Variants in TFEC observed in about 807,000 individuals in gnomAD.
The protein encoded by TFEC is class E basic helix-loop-helix protein 34.
A neutral mutation model predicts 41.6 loss-of-function variants in TFEC; 31 were observed. The ratio of observed to expected loss-of-function variants is 0.74; its 90% CI spans 0.56 to 1.01. TFEC has a LOEUF of 1.01. Ranked by LOEUF, TFEC falls within the 50% of genes least tolerant of loss-of-function variation. The probability of loss-of-function intolerance (pLI) is 0.00; values close to 1 mark genes in which losing one functional copy is unlikely to be tolerated. For synonymous variants in TFEC, 143 were observed against 140.6 expected, an observed-to-expected ratio of 1.02 and a Z score of -0.12; for missense variants, 402 against 404.1, an observed-to-expected ratio of 0.99 and a Z score of 0.04.
At chr7:116,125,439 T>C (rs1798189239) in intron 1 of TFEC, among the ~76,000 whole-genome samples, 1 of 152,164 alleles carries the variant, frequency 6.6e-6, no homozygotes, top group Non-Finnish European at 1.5e-5. Flanking sequence ...TTAAGAAATT[T>C]GGCTTTAATC....
chr7:116,067,390 T>A (rs745646845), intron 3 of TFEC, among the ~76,000 whole-genome samples: 2 of 152,040 alleles, frequency 1.3e-5, no homozygotes, highest in Non-Finnish European at 2.9e-5. Flanking sequence ...CAGTGAGATG[T>A]TGACCATTCT....
intron 3 of TFEC, among the ~76,000 whole-genome samples, chr7:116,088,401 G>A (rs778099088): frequency 1.6e-4 from 24 of 152,008 alleles, no homozygotes; most frequent in Admixed American, 3.3e-4. Context: ...GGTAGTAGTC[G>A]GCTAAATATT....
At chr7:116,100,191 C>A (rs1323972470) in intron 3 of TFEC, among the ~76,000 whole-genome samples, 1 of 152,090 alleles carries the variant, frequency 6.6e-6, no homozygotes, top group Non-Finnish European at 1.5e-5. Flanking sequence ...ATACAAAGAA[C>A]CAAGCCTTAA....
intron 5 of TFEC, 95 bp from the exon 6 acceptor site, chr7:115,951,044 G>A (rs1447677051): frequency 1.1e-5 from 7 of 616,200 alleles, no homozygotes; most frequent in South Asian, 4.8e-5. Flanking sequence ...AAAAACAATG[G>A]GAAAAAAACT....
intron 1 of TFEC, among the ~76,000 whole-genome samples, chr7:116,154,953 CAT>C (rs1470227541): frequency 6.6e-6 from 1 of 152,182 alleles, no homozygotes; most frequent in Admixed American, 6.5e-5. Context: ...CCTCTTCTGC[CAT>C]ACTATCCCTT....
chr7:116,087,974 G>C (rs529617067), intron 3 of TFEC, among the ~76,000 whole-genome samples: 1 of 152,134 alleles, frequency 6.6e-6, no homozygotes, highest in Non-Finnish European at 1.5e-5. Context: ...CAATCTTTCA[G>C]AAAATACTTG....
intron 1 of TFEC, among the ~76,000 whole-genome samples, chr7:115,985,315 T>C (rs1340772530): frequency 6.6e-6 from 1 of 152,176 alleles, no homozygotes; most frequent in Non-Finnish European, 1.5e-5. Context: ...TGTACTATCA[T>C]TTGTGTAAGG....
chr7:115,952,236 A>G (rs1791986259), intron 5 of TFEC, among the ~76,000 whole-genome samples: 1 of 152,102 alleles, frequency 6.6e-6, no homozygotes, highest in East Asian at 1.9e-4. Flanking sequence ...TTCCCTCTTC[A>G]CCAATCCTAT....
chr7:116,059,106 C>G (rs1305740474), intron 3 of TFEC, among the ~76,000 whole-genome samples: 1 of 151,696 alleles, frequency 6.6e-6, no homozygotes, highest in African/African-American at 2.4e-5. Flanking sequence ...AAATCAATAA[C>G]ATCGACACTC....
chr7:116,017,856 T>C (rs979130135), intron 1 of TFEC, among the ~76,000 whole-genome samples: 1 of 152,190 alleles, frequency 6.6e-6, no homozygotes, highest in South Asian at 2.1e-4. Context: ...TGAACTCTCA[T>C]AGTATTGGCA....
intron 3 of TFEC, among the ~76,000 whole-genome samples, chr7:116,059,088 C>T (rs1401105665): frequency 6.6e-6 from 1 of 151,684 alleles, no homozygotes; most frequent in African/African-American, 2.4e-5. Context: ...AAAGCTTATT[C>T]TTTAAGAAAA....
intron 3 of TFEC, among the ~76,000 whole-genome samples, chr7:115,964,014 T>C (rs557540921): frequency 6.6e-6 from 1 of 151,758 alleles, no homozygotes; most frequent in South Asian, 2.1e-4. Flanking sequence ...CTCTTCAACA[T>C]AGCGTTGTAA....
intron 1 of TFEC, among the ~76,000 whole-genome samples, chr7:116,025,000 A>G (rs1476655257): frequency 6.6e-6 from 1 of 152,098 alleles, no homozygotes; most frequent in African/African-American, 2.4e-5. Context: ...TATCTCACTA[A>G]GTGTGGTCCA....
chr7:116,093,513 A>G (rs1030649858), intron 3 of TFEC, among the ~76,000 whole-genome samples: 2 of 152,202 alleles, frequency 1.3e-5, no homozygotes, highest in Non-Finnish European at 2.9e-5. Flanking sequence ...ATATATGACT[A>G]ACCTGTTAAA....
chr7:115,937,147 G>A lies in TFEC; in HGVS notation c.*3404C>T, dbSNP rs1315613933. On this transcript the variant is annotated 3_prime_UTR_variant, in exon 8 of 8. Transcript: ENST00000265440. The stretch of plus-strand genomic sequence containing the variant: ...AATAATATAAAAAATGATTGGATGG[G>A]ATATTTTGTTGAAAAAAGAATGAAA... The A allele has an allele frequency of 2.6e-5, 4 of 151,474 alleles. No individual in the cohort carries two copies. Among genetic ancestry groups the A allele is most frequent in the African/African-American group, 9.7e-5 (4 of 41,398 alleles). 9.4% of individuals were successfully genotyped at this position (151,474 alleles called of 1,614,324 possible).
At chr7:116,076,917 C>T (rs929654001) in intron 3 of TFEC, among the ~76,000 whole-genome samples, 1 of 152,064 alleles carries the variant, frequency 6.6e-6, no homozygotes, top group Non-Finnish European at 1.5e-5. Flanking sequence ...ATACAAGAAG[C>T]TCAAGGAACA....
chr7:116,052,647 T>C (rs917821731), intron 3 of TFEC, among the ~76,000 whole-genome samples: 10 of 151,778 alleles, frequency 6.6e-5, no homozygotes, highest in Admixed American at 2.0e-4. Flanking sequence ...CAGGATGGTC[T>C]CAATCTCTTG....
At chr7:116,086,849 A>T (rs564975585) in intron 3 of TFEC, among the ~76,000 whole-genome samples, 83 of 151,896 alleles carry the variant, frequency 5.5e-4, no homozygotes, top group African/African-American at 2.0e-3. Context: ...TGCAATTTCT[A>T]CTCCCACATA....
intron 2 of TFEC, among the ~76,000 whole-genome samples, chr7:115,983,813 T>C (rs1415468618): frequency 6.6e-6 from 1 of 152,128 alleles, no homozygotes; most frequent in Non-Finnish European, 1.5e-5. Context: ...GATCCAGATA[T>C]AATTTCATAT....
Sources: allele counts gnomAD v4.1 joint callset (sites outside exome capture counted in the v4.1 genomes callset), GRCh38; gene constraint gnomAD v4.1.1; transcripts MANE v1.5; gene names NCBI Gene and HGNC (gene_info 2026-07-23, HGNC 2026-07-21).